Variants in RTN1 observed in about 807,000 individuals in gnomAD.
RTN1 encodes the protein reticulon-1.
A neutral mutation model predicts 65.5 loss-of-function variants in RTN1; 25 were observed. That is an observed-to-expected ratio of 0.38 (90% CI 0.28 to 0.53). RTN1 has a LOEUF of 0.53. Ranked by LOEUF, RTN1 falls within the 20% of genes least tolerant of loss-of-function variation. RTN1 has a pLI of 0.79. For synonymous variants in RTN1, 471 were observed against 447.6 expected, an observed-to-expected ratio of 1.05 and a Z score of -0.66; for missense variants, 983 against 1,025.4, an observed-to-expected ratio of 0.96 and a Z score of 0.57.
At chr14:59,738,418 T>C (rs569457233) in intron 2 of RTN1, among the ~76,000 whole-genome samples, 1 of 152,312 alleles carries the variant, frequency 6.6e-6, no homozygotes, top group East Asian at 1.9e-4. Flanking sequence ...ACAGCACTTA[T>C]AATTAGATAA....
chr14:59,767,789 C>A (rs1326161397), intron 1 of RTN1, among the ~76,000 whole-genome samples: 1 of 152,164 alleles, frequency 6.6e-6, no homozygotes, highest in African/African-American at 2.4e-5. Flanking sequence ...CCAATGTTTT[C>A]ATTGCTTTGT....
At chr14:59,724,668 C>A (rs1295456142) in intron 3 of RTN1, among the ~76,000 whole-genome samples, 1 of 150,668 alleles carries the variant, frequency 6.6e-6, no homozygotes, top group East Asian at 2.0e-4. Context: ...TTCAGTGAGC[C>A]AAGATCACGC....
intron 3 of RTN1, among the ~76,000 whole-genome samples, chr14:59,685,483 A>C (rs1370453478): frequency 6.6e-6 from 1 of 152,244 alleles, no homozygotes; most frequent in Non-Finnish European, 1.5e-5. Flanking sequence ...GCAGGAAACA[A>C]AATCACATAC....
chr14:59,630,730 G>C (rs539133378), intron 3 of RTN1: 444 of 1,109,346 alleles, frequency 4.0e-4, no homozygotes, highest in Non-Finnish European at 4.6e-4. Context: ...CCGCCTGCGC[G>C]CATGGGGATG....
intron 1 of RTN1, among the ~76,000 whole-genome samples, chr14:59,827,560 T>C (rs1887056144): frequency 6.6e-6 from 1 of 152,164 alleles, no homozygotes; most frequent in Non-Finnish European, 1.5e-5. Context: ...AAACATTATT[T>C]AGAAAACAAT....
intron 1 of RTN1, among the ~76,000 whole-genome samples, chr14:59,785,092 C>T (rs1400830901): frequency 6.6e-6 from 1 of 152,128 alleles, no homozygotes. Flanking sequence ...TGGATAAATC[C>T]CACAGTAGTT....
intron 3 of RTN1, among the ~76,000 whole-genome samples, chr14:59,676,952 T>C (rs1267398196): frequency 6.6e-6 from 1 of 152,166 alleles, no homozygotes; most frequent in East Asian, 1.9e-4. Context: ...CATTATAAGT[T>C]CAGATGATGG....
At chr14:59,811,596 G>T (rs1013594825) in intron 1 of RTN1, among the ~76,000 whole-genome samples, 1 of 151,974 alleles carries the variant, frequency 6.6e-6, no homozygotes, top group Non-Finnish European at 1.5e-5. Flanking sequence ...GTTTTTTCAG[G>T]GCTGCTTAAA....
chr14:59,661,903 C>A (rs1883256501), intron 3 of RTN1, among the ~76,000 whole-genome samples: 2 of 152,172 alleles, frequency 1.3e-5, no homozygotes, highest in South Asian at 4.1e-4. Flanking sequence ...CTGGCCAGGG[C>A]AATCAGGCAA....
At chr14:59,666,218 G>T (rs1883369878) in intron 3 of RTN1, among the ~76,000 whole-genome samples, 1 of 152,108 alleles carries the variant, frequency 6.6e-6, no homozygotes, top group Non-Finnish European at 1.5e-5. Context: ...AAATGTAAAA[G>T]AACAGAAATC....
rs145383228 is a variant in RTN1 at position 59,819,640 on chromosome 14, C to T, written c.241+50750G>A. The stretch of plus-strand genomic sequence containing the variant: ...GGGCGGTCGATGGGACCGGGCGCTG[C>T]GGAGCAGGGGACGGCGCCCGTCGGG... On this transcript the variant is annotated intron_variant, in intron 1 of 8. Coordinates refer to ENST00000267484, the MANE Select transcript of RTN1 (RefSeq NM_021136.3). 1.1e-4 allele frequency among the ~76,000 whole-genome samples: 17 copies of T among 152,158 alleles called. No homozygotes were observed. In the East Asian group the frequency reaches 3.3e-3, roughly 29 times the overall value.
chr14:59,666,249 C>A (rs1018421486), intron 3 of RTN1, among the ~76,000 whole-genome samples: 2 of 152,170 alleles, frequency 1.3e-5, no homozygotes, highest in Non-Finnish European at 2.9e-5. Flanking sequence ...GTCTCTCAGA[C>A]CAGAGTGCAA....
chr14:59,645,133 C>T (rs563234367), intron 3 of RTN1, among the ~76,000 whole-genome samples: 2 of 152,180 alleles, frequency 1.3e-5, no homozygotes, highest in Admixed American at 6.5e-5. Flanking sequence ...TTTCTCCTCA[C>T]TGGGCAGAAT....
chr14:59,853,361 T>C (rs1594767890), intron 1 of RTN1, among the ~76,000 whole-genome samples: 1 of 152,176 alleles, frequency 6.6e-6, no homozygotes, highest in Non-Finnish European at 1.5e-5. Flanking sequence ...TCTAATTCTC[T>C]CCCTGTAACT....
intron 1 of RTN1, among the ~76,000 whole-genome samples, chr14:59,806,178 G>A (rs1594750524): frequency 6.6e-6 from 1 of 152,100 alleles, no homozygotes; most frequent in East Asian, 1.9e-4. Context: ...GGAGGGTATA[G>A]TGAGCTGAGA....
intron 3 of RTN1, among the ~76,000 whole-genome samples, chr14:59,607,867 C>T (rs1222616402): frequency 1.1e-4 from 16 of 151,096 alleles, no homozygotes; most frequent in African/African-American, 3.2e-4. Context: ...CTCCACTGCA[C>T]TCCAGCCTGG....
At chr14:59,818,632 C>T (rs1443746028) in intron 1 of RTN1, among the ~76,000 whole-genome samples, 1 of 152,118 alleles carries the variant, frequency 6.6e-6, no homozygotes, top group African/African-American at 2.4e-5. Flanking sequence ...ACATATGAGT[C>T]CGTGTGTCTT....
At chr14:59,869,486 C>A (rs974437799) in intron 1 of RTN1, among the ~76,000 whole-genome samples, 4 of 150,138 alleles carry the variant, frequency 2.7e-5, no homozygotes, top group African/African-American at 9.8e-5. Flanking sequence ...CCAGGATGCG[C>A]CAGGGGCCTG....
chr14:59,839,893 G>T (rs1887280612), intron 1 of RTN1, among the ~76,000 whole-genome samples: 1 of 151,606 alleles, frequency 6.6e-6, no homozygotes, highest in Non-Finnish European at 1.5e-5. Context: ...CATTTAAATT[G>T]GTTCTTTTCT....
Sources: gnomAD v4.1 joint callset for allele counts (sites outside exome capture counted in the v4.1 genomes callset) on GRCh38, gnomAD v4.1.1 for gene constraint, MANE v1.5 for transcripts, NCBI Gene and HGNC (gene_info 2026-07-23, HGNC 2026-07-21) for gene names.